The following MAML3 variants were observed in gnomAD, a reference collection of about 807,000 sequenced individuals.
MAML3 encodes the protein mastermind like transcriptional coactivator 3, also known as mastermind-like protein 3.
A neutral mutation model predicts 101.9 loss-of-function variants in MAML3; 27 were observed. That is an observed-to-expected ratio of 0.27 (90% CI 0.20 to 0.37). The LOEUF is 0.37. Among genes scored for constraint, MAML3 ranks in the 10% least tolerant of loss-of-function variants. The pLI, the probability that MAML3 is intolerant of heterozygous loss-of-function variation, is 1.00. For missense variants in MAML3, 1,316 were observed against 1,444.9 expected (o/e 0.91, Z 1.45); for synonymous variants, 501 against 555.9 (o/e 0.90, Z 1.39).
chr4:140,067,146 A>G (rs980581886), intron 1 of MAML3, among the ~76,000 whole-genome samples: 13 of 152,162 alleles, frequency 8.5e-5, no homozygotes, highest in African/African-American at 3.1e-4. Flanking sequence ...GATAGTAATC[A>G]ATGAAGTCAC....
chr4:140,137,388 G>A (rs749151698), intron 1 of MAML3, among the ~76,000 whole-genome samples: 2 of 152,102 alleles, frequency 1.3e-5, no homozygotes, highest in Non-Finnish European at 2.9e-5. Context: ...TATGGTTGTG[G>A]GTTTTAACAT....
intron 1 of MAML3, among the ~76,000 whole-genome samples, chr4:139,931,186 A>G (rs931631134): frequency 1.3e-5 from 2 of 152,180 alleles, no homozygotes; most frequent in African/African-American, 2.4e-5. Context: ...ATCTCAAGAC[A>G]GCGCCAGCAG....
intron 2 of MAML3, among the ~76,000 whole-genome samples, chr4:139,772,586 A>T (rs941782972): frequency 6.6e-6 from 1 of 151,528 alleles, no homozygotes; most frequent in Admixed American, 6.6e-5. Context: ...CAGGTAATCC[A>T]CCTGCCTCGG....
At chr4:140,104,743 C>T (rs574318577) in intron 1 of MAML3, among the ~76,000 whole-genome samples, 5 of 151,884 alleles carry the variant, frequency 3.3e-5, no homozygotes, top group East Asian at 1.9e-4. Context: ...TCACCCGCCT[C>T]GGCCTTCCAA....
In MAML3 at chr4:139,786,634, A is replaced by G. The variant is rs192127672; in HGVS notation, c.2080-55967T>C. Among the ~76,000 whole-genome samples, 191 of 152,316 alleles carry G rather than the reference A, an allele frequency of 1.3e-3. 1 individual carries two copies. The highest frequency in any genetic ancestry group is 1.5e-3 in the Non-Finnish European group (103 of 68,022). On this transcript the variant is annotated intron_variant, in intron 2 of 4. Transcript: ENST00000509479. ...AATCTCTAGATTTTTGTTTGAGCCA[A>G]TCAATCAGTTCTCCAAGGTGTCAGC...
chr4:139,987,609 C>T (rs1458203342), intron 1 of MAML3, among the ~76,000 whole-genome samples: 3 of 152,100 alleles, frequency 2.0e-5, no homozygotes, highest in African/African-American at 7.2e-5. Flanking sequence ...GCGGTCATCT[C>T]CATTTAGAAG....
intron 1 of MAML3, among the ~76,000 whole-genome samples, chr4:139,939,518 A>G (rs1733561004): frequency 6.6e-6 from 1 of 151,828 alleles, no homozygotes; most frequent in Non-Finnish European, 1.5e-5. Context: ...AGCTCTCTCT[A>G]TTCTCCAAAT....
At chr4:139,724,852 G>A (rs1054660152) in intron 4 of MAML3, among the ~76,000 whole-genome samples, 6 of 149,740 alleles carry the variant, frequency 4.0e-5, no homozygotes, top group Non-Finnish European at 4.4e-5. Context: ...TCCACCTCCC[G>A]GGTTCAAGCG....
At chr4:139,874,132 G>T (rs1732065045) in intron 2 of MAML3, among the ~76,000 whole-genome samples, 1 of 152,132 alleles carries the variant, frequency 6.6e-6, no homozygotes, top group Non-Finnish European at 1.5e-5. Flanking sequence ...TTAACAAAGA[G>T]AAATGATTTT....
chr4:139,793,128 C>T (rs1730448995), intron 2 of MAML3, among the ~76,000 whole-genome samples: 2 of 152,202 alleles, frequency 1.3e-5, no homozygotes, highest in Middle Eastern at 3.4e-3. Flanking sequence ...TCCAAAGAAA[C>T]GAAACACATT....
In MAML3 at chr4:140,052,824, C is replaced by T. The variant is rs146763795; in HGVS notation, c.468+100036G>A. Among the ~76,000 whole-genome samples the T allele has an allele frequency of 4.6e-5, 7 of 152,040 alleles. No homozygotes were observed. The South Asian group carries it at 1.0e-3, about 23-fold the overall frequency. On this transcript the variant is annotated intron_variant, in intron 1 of 4. Transcript: ENST00000509479. ...TCTTGGGATTACAGGCGTAAGCCACCGTGCCTGGCAAAAAAACCCATATAT... is the reference window on the plus strand; with the variant it reads ...TCTTGGGATTACAGGCGTAAGCCACTGTGCCTGGCAAAAAAACCCATATAT...
intron 2 of MAML3, among the ~76,000 whole-genome samples, chr4:139,817,920 T>C (rs980764470): frequency 2.6e-5 from 4 of 152,238 alleles, no homozygotes; most frequent in Non-Finnish European, 5.9e-5. Flanking sequence ...TTATGACTTC[T>C]TGTAGCTGGA....
chr4:139,939,988 A>T lies in MAML3; in HGVS notation c.469-49021T>A, dbSNP rs535267313. Among the ~76,000 whole-genome samples the T allele has an allele frequency of 4.6e-5, 7 of 151,764 alleles. No homozygotes were observed. In the East Asian group the frequency reaches 9.7e-4, roughly 21 times the overall value. On this transcript the variant is annotated intron_variant, in intron 1 of 4. Coordinates refer to ENST00000509479, the MANE Select transcript of MAML3 (RefSeq NM_018717.5). ...ACCATGTTGGCCAGGCTGGTCTCGAACTCCTGACCTTGTGATTCGTCCACC... is the reference window on the plus strand; with the variant it reads ...ACCATGTTGGCCAGGCTGGTCTCGATCTCCTGACCTTGTGATTCGTCCACC...
chr4:140,117,640 T>C (rs986410172), intron 1 of MAML3, among the ~76,000 whole-genome samples: 6 of 145,802 alleles, frequency 4.1e-5, no homozygotes, highest in African/African-American at 9.7e-5. Flanking sequence ...TGTATGTATG[T>C]GTATACAGGT....
intron 1 of MAML3, among the ~76,000 whole-genome samples, chr4:140,056,111 A>G (rs1727344669): frequency 6.6e-6 from 1 of 152,208 alleles, no homozygotes; most frequent in South Asian, 2.1e-4. Context: ...ATGTTCCCAG[A>G]GGCCAATACT....
chr4:139,854,795 CTCAGG>C (rs1316774472), intron 2 of MAML3, among the ~76,000 whole-genome samples: 1 of 152,136 alleles, frequency 6.6e-6, no homozygotes. Context: ...GTGGTGGGGA[CTCAGG>C]TCATCTGGTG....
At chr4:139,771,970 T>TA in intron 2 of MAML3, among the ~76,000 whole-genome samples, 1 of 148,598 alleles carries the variant, frequency 6.7e-6, no homozygotes, top group African/African-American at 2.5e-5. Flanking sequence ...CCGGGCGCGG[T>TA]GGCTCACGCC....
intron 2 of MAML3, among the ~76,000 whole-genome samples, chr4:139,830,903 G>A (rs985551657): frequency 3.9e-5 from 6 of 152,074 alleles, no homozygotes; most frequent in African/African-American, 1.4e-4. Flanking sequence ...TAGCAATGGA[G>A]GTTATAATGT....
intron 2 of MAML3, among the ~76,000 whole-genome samples, chr4:139,762,361 C>T (rs1052638495): frequency 3.3e-5 from 5 of 152,108 alleles, no homozygotes; most frequent in African/African-American, 1.2e-4. Context: ...GAGCACTTGG[C>T]CCTAGCATGC....
Sources: allele counts gnomAD v4.1 joint callset (sites outside exome capture counted in the v4.1 genomes callset), GRCh38; gene constraint gnomAD v4.1.1; transcripts MANE v1.5; gene names NCBI Gene and HGNC (gene_info 2026-07-23, HGNC 2026-07-21).